Variants in PLCG2 observed in about 807,000 individuals in gnomAD.
PLCG2 encodes the protein 1-phosphatidylinositol 4,5-bisphosphate phosphodiesterase gamma-2.
In PLCG2, 69 loss-of-function variants were observed where a neutral mutation model predicts 175.6. That is an observed-to-expected ratio of 0.39 (90% CI 0.32 to 0.48). PLCG2 has a LOEUF of 0.48. Ranked by LOEUF, PLCG2 falls within the 20% of genes least tolerant of loss-of-function variation. PLCG2 has a pLI of 0.91. For synonymous variants in PLCG2, 827 were observed against 624.0 expected (o/e 1.33, Z -4.85); for missense variants, 1,798 against 1,650.9 (o/e 1.09, Z -1.54).
chr16:81,948,025 G>C (rs937472453), intron 31 of PLCG2, among the ~76,000 whole-genome samples: 2 of 152,126 alleles, frequency 1.3e-5, no homozygotes, highest in Non-Finnish European at 2.9e-5. Context: ...ATCAGGTATG[G>C]GTCCCTAATT....
chr16:81,870,722 A>G (rs1026521019), intron 6 of PLCG2, 130 bp from the exon 7 acceptor site: 1 of 532,070 alleles, frequency 1.9e-6, no homozygotes, highest in African/African-American at 2.0e-5. Flanking sequence ...CAATGTGGTC[A>G]TAGCTGTCTC....
intron 5 of PLCG2, 51 bp downstream of exon 5, chr16:81,859,214 C>T: frequency 8.2e-7 from 1 of 1,226,660 alleles, no homozygotes. Flanking sequence ...GATCCTCATT[C>T]TATCTTTAAA....
intron 2 of PLCG2, among the ~76,000 whole-genome samples, chr16:81,804,593 C>T (rs1236439439): frequency 6.6e-6 from 1 of 152,192 alleles, no homozygotes; most frequent in Non-Finnish European, 1.5e-5. Context: ...AAGTTAGTAA[C>T]CTGTCTTAGT....
At chr16:81,814,463 C>T (rs1461253817) in intron 2 of PLCG2, among the ~76,000 whole-genome samples, 5 of 151,892 alleles carry the variant, frequency 3.3e-5, no homozygotes, top group South Asian at 2.1e-4. Flanking sequence ...GAGATTGAGG[C>T]GGGCAGATCA....
intron 1 of PLCG2, among the ~76,000 whole-genome samples, chr16:81,781,052 C>G (rs200676347): frequency 4.9e-5 from 6 of 121,582 alleles, no homozygotes; most frequent in Non-Finnish European, 1.1e-4. Flanking sequence ...CAAACAAACA[C>G]ACACAAACAC....
chr16:81,872,963 G>C (rs964606070), intron 7 of PLCG2, among the ~76,000 whole-genome samples: 1 of 152,244 alleles, frequency 6.6e-6, no homozygotes, highest in Non-Finnish European at 1.5e-5. Flanking sequence ...CTGGCCGTGG[G>C]ACTTTGGATG....
At chr16:81,843,632 G>C (rs781027939) in intron 2 of PLCG2, among the ~76,000 whole-genome samples, 1 of 152,174 alleles carries the variant, frequency 6.6e-6, no homozygotes, top group Admixed American at 6.5e-5. Flanking sequence ...TGCTAAGCAT[G>C]TTTGCAAAAA....
intron 25 of PLCG2, among the ~76,000 whole-genome samples, chr16:81,933,226 A>T (rs1910576910): frequency 6.6e-6 from 1 of 152,150 alleles, no homozygotes; most frequent in African/African-American, 2.4e-5. Flanking sequence ...CTGTTATTAC[A>T]TCTGAGGGGT....
chr16:81,890,683 T>C (rs1038366937), intron 10 of PLCG2, among the ~76,000 whole-genome samples: 1 of 152,196 alleles, frequency 6.6e-6, no homozygotes, highest in African/African-American at 2.4e-5. Flanking sequence ...GGGGAGCGAC[T>C]GACCCATATG....
intron 1 of PLCG2, among the ~76,000 whole-genome samples, chr16:81,784,826 G>C (rs1030901696): frequency 6.6e-6 from 1 of 152,114 alleles, no homozygotes; most frequent in Non-Finnish European, 1.5e-5. Context: ...GGGGGTCCCT[G>C]GTGGTTCAGC....
At chr16:81,755,548 C>T (rs1279998287) in intron 1 of PLCG2, among the ~76,000 whole-genome samples, 1 of 150,728 alleles carries the variant, frequency 6.6e-6, no homozygotes, top group African/African-American at 2.4e-5. Flanking sequence ...TTTTTTGAGA[C>T]AGAGTTTCAC....
At chr16:81,890,998 A>G (rs891476895) in intron 10 of PLCG2, among the ~76,000 whole-genome samples, 3 of 152,112 alleles carry the variant, frequency 2.0e-5, no homozygotes, top group Non-Finnish European at 2.9e-5. Context: ...TTCTGTCTCT[A>G]CTAAAAATAC....
intron 5 of PLCG2, among the ~76,000 whole-genome samples, chr16:81,861,427 G>C (rs1597359885): frequency 1.3e-5 from 2 of 152,176 alleles, no homozygotes; most frequent in Non-Finnish European, 2.9e-5. Flanking sequence ...CCGATGGGAG[G>C]ATTTGGAACT....
At chr16:81,888,388 A>G (rs7206834) in intron 9 of PLCG2, among the ~76,000 whole-genome samples, 1 of 114,278 alleles carries the variant, frequency 8.8e-6, no homozygotes, top group Non-Finnish European at 2.0e-5. Flanking sequence ...TTTAAAGAAA[A>G]AAAAAATGTT....
intron 6 of PLCG2, among the ~76,000 whole-genome samples, chr16:81,870,192 A>C (rs1279940153): frequency 1.3e-5 from 2 of 152,210 alleles, no homozygotes; most frequent in Non-Finnish European, 2.9e-5. Context: ...ATTGCTACAC[A>C]GTTGCCATTT....
chr16:81,950,937 C>T (rs1567547560), intron 31 of PLCG2, among the ~76,000 whole-genome samples: 1 of 151,580 alleles, frequency 6.6e-6, no homozygotes, highest in East Asian at 1.9e-4. Flanking sequence ...CTGAATAAAA[C>T]ACAAATAAAA....
chr16:81,829,558 G>T (rs548845490), intron 2 of PLCG2, among the ~76,000 whole-genome samples: 2 of 152,330 alleles, frequency 1.3e-5, no homozygotes, highest in East Asian at 3.9e-4. Context: ...TTTGCCAAAA[G>T]TGAGAAATTA....
chr16:81,829,756 A>G (rs1460725590), intron 2 of PLCG2, among the ~76,000 whole-genome samples: 2 of 152,270 alleles, frequency 1.3e-5, no homozygotes, highest in East Asian at 1.9e-4. Flanking sequence ...TGGTGACAAG[A>G]GCCATTTTGT....
chr16:81,868,011 C>A (rs372752960), intron 5 of PLCG2, among the ~76,000 whole-genome samples: 1 of 152,164 alleles, frequency 6.6e-6, no homozygotes, highest in East Asian at 1.9e-4. Context: ...CCTCGCTTCC[C>A]GCTTCAGCTG....
Sources: allele counts gnomAD v4.1 joint callset (sites outside exome capture counted in the v4.1 genomes callset), GRCh38; gene constraint gnomAD v4.1.1; transcripts MANE v1.5; gene names NCBI Gene and HGNC (gene_info 2026-07-23, HGNC 2026-07-21).